The following FHOD1 variants were observed in gnomAD, a reference collection of about 807,000 sequenced individuals.
FHOD1 encodes the protein FH1/FH2 domain-containing protein 1.
A neutral mutation model predicts 111.6 loss-of-function variants in FHOD1; 89 were observed. The observed-to-expected ratio is 0.80, with a 90% CI of 0.67 to 0.95. FHOD1 has a LOEUF of 0.95. Among genes scored for constraint, FHOD1 ranks in the 40% least tolerant of loss-of-function variants. The pLI, the probability that FHOD1 is intolerant of heterozygous loss-of-function variation, is 0.00. For missense variants in FHOD1, 1,446 were observed against 1,554.2 expected (o/e 0.93, Z 1.17); for synonymous variants, 618 against 639.0 (o/e 0.97, Z 0.50).
In FHOD1 at chr16:67,237,242, G is replaced by C. The variant is rs144258782; in HGVS notation, c.990C>G (p.Tyr330Ter). ...DVDLRTQLVL[Y>*]ENALKLEDGD... Reference sequence around the variant, plus strand: ...CAGAGCGTAAGGCCCGGCCCACCTCGTAGAGCACAAGCTGCGTGCGCAGGT... The same window carrying C: ...CAGAGCGTAAGGCCCGGCCCACCTCCTAGAGCACAAGCTGCGTGCGCAGGT... Residue 330 changes from tyrosine to a stop codon, truncating the protein, a stop_gained, in exon 9 of 22, where the codon TAC becomes TAG. Coordinates refer to ENST00000258201, the MANE Select transcript of FHOD1 (RefSeq NM_013241.3). LOFTEE classifies it high-confidence loss of function. The surrounding 1 kb of genome is among the most constrained non-coding windows in gnomAD (Gnocchi z 5.6). The C allele has an allele frequency of 1.2e-6, 2 of 1,613,248 alleles. No homozygotes were observed. The highest frequency in any genetic ancestry group is 1.7e-6 in the Non-Finnish European group (2 of 1,179,554).
chr16:67,238,290 C>T lies in FHOD1; in HGVS notation c.459G>A (p.Val153=), dbSNP rs372284567. 15 of 1,614,036 alleles carry T rather than the reference C, an allele frequency of 9.3e-6. No homozygotes were observed. The highest frequency in any genetic ancestry group is 1.3e-5 in the Non-Finnish European group (15 of 1,180,016). ...GCCCCTCTGAATGCACAAATTCAGGCACCAGGTCTTTGTCCTCCTAGAGGC... is the reference window on the plus strand; with the variant it reads ...GCCCCTCTGAATGCACAAATTCAGGTACCAGGTCTTTGTCCTCCTAGAGGC... The part of the protein sequence containing the change: ...KQIFQEDKDL[V]PEFVHSEGLS... Residue 153 remains valine, a synonymous_variant, in exon 5 of 22, where the codon GTG becomes GTA. Coordinates refer to ENST00000258201, the MANE Select transcript of FHOD1 (RefSeq NM_013241.3). The surrounding 1 kb of genome is among the most constrained non-coding windows in gnomAD (Gnocchi z 4.2).
At position 67,247,127 on chromosome 16, in the gene FHOD1, T is replaced by C. The variant is rs2034885475; in HGVS notation, c.201+83A>G. 5.7e-6 allele frequency: 8 copies of C among 1,394,186 alleles called. No homozygotes were observed. In the South Asian group the frequency reaches 1.0e-4, roughly 17 times the overall value. The allele number at this position is 1,394,186 out of a possible 1,614,324, so 86.4% of individuals were successfully genotyped here. A position where few individuals can be genotyped will look rare whatever the true frequency, so the allele number is the denominator to read the frequency against. On this transcript the variant is annotated intron_variant, in intron 1 of 21. Transcript: ENST00000258201. ...GGAGAAGAACACTCGCTCCAGCCTC[T>C]TCCCGCGGAGCACCTCCCACCAGTT...
At chr16:67,246,114 C>T (rs1336263998) in intron 1 of FHOD1, among the ~76,000 whole-genome samples, 1 of 152,272 alleles carries the variant, frequency 6.6e-6, no homozygotes, top group Non-Finnish European at 1.5e-5. Context: ...AGTCTCACCA[C>T]CCCTCCCGCC....
Position 67,232,118 on chromosome 16 carries a change from G to A in FHOD1, c.2123C>T (p.Thr708Ile). 6.2e-7 allele frequency: 1 copy of A among 1,614,224 alleles called. No homozygotes were observed. The highest frequency in any genetic ancestry group is 1.1e-5 in the South Asian group (1 of 91,090). ...KRSNAINIGL[T>I]TLPPVHVIKA... ...AATGACATGCACAGGTGGCAGTGTG[G>A]TTAGGCCGATGTTGATGGCGTTGCT... Residue 708 changes from threonine (T) to isoleucine (I), a missense_variant, in exon 14 of 22, where the codon ACC becomes ATC. Transcript: ENST00000258201.
chr16:67,232,105 A>T lies in FHOD1; in HGVS notation c.2136T>A (p.Pro712=). 1 of 1,614,220 alleles carries T rather than the reference A, an allele frequency of 6.2e-7. No homozygotes were observed. Among genetic ancestry groups the T allele is most frequent in the East Asian group, 2.2e-5 (1 of 44,888 alleles). The change falls in exon 14 of 22, where the codon CCT becomes CCA. Residue 712 remains proline, a synonymous_variant. Coordinates refer to ENST00000258201, the MANE Select transcript of FHOD1 (RefSeq NM_013241.3). ...AINIGLTTLP[P]VHVIKAALLN... is the part of the protein sequence containing the mutation. The stretch of plus-strand genomic sequence containing the variant: ...GCAGAGCAGCCTTAATGACATGCAC[A>T]GGTGGCAGTGTGGTTAGGCCGATGT...
At position 67,237,012 on chromosome 16, in the gene FHOD1, G is replaced by C; in HGVS notation, c.1096C>G (p.Arg366Gly). 6.2e-7 allele frequency: 1 copy of C among 1,610,764 alleles called. No individual in the cohort carries two copies. The highest frequency in any genetic ancestry group is 1.1e-5 in the South Asian group (1 of 90,802). The change falls in exon 10 of 22, where the codon CGT (arginine) becomes GGT (glycine). Residue 366 changes from arginine (R) to glycine (G), a missense_variant. Arg to Gly is a moderately radical substitution (Grantham distance 125). Transcript: ENST00000258201. This position sits in a 1 kb window ranked among gnomAD's most constrained non-coding sequence, Gnocchi z 5.6. ...GGGCAGCCCCCGCCTTCCAGAGAAC[G>C]GCGGCTCCTCTTGCCCTCCTCAGAA... ...PSSEEGKRSR[R>G]SLEGGGCPAR... is the part of the protein sequence containing the mutation.
intron 1 of FHOD1, among the ~76,000 whole-genome samples, chr16:67,241,705 G>A (rs1431210151): frequency 1.3e-5 from 2 of 152,228 alleles, no homozygotes; most frequent in African/African-American, 4.8e-5. Context: ...AACTTTCACA[G>A]TGCTAAGAAA....
At position 67,245,297 on chromosome 16, in the gene FHOD1, C is replaced by T. The variant is rs1403128330; in HGVS notation, c.201+1913G>A. 2.6e-5 allele frequency among the ~76,000 whole-genome samples: 4 copies of T among 152,302 alleles called. No individual in the cohort carries two copies. In the East Asian group the frequency reaches 7.7e-4, roughly 29 times the overall value. ...GAGGAACTTATATTCTTCACCGGAG[C>T]TCAGTAGTGTCCTCAGCTAAGGAGC... is the stretch of plus-strand genomic sequence containing the variant. On this transcript the variant is annotated intron_variant, in intron 1 of 21. Transcript: ENST00000258201.
chr16:67,240,545 C>T lies in FHOD1; in HGVS notation c.202-1091G>A, dbSNP rs554441761. On this transcript the variant is annotated intron_variant, in intron 1 of 21. Coordinates refer to ENST00000258201, the MANE Select transcript of FHOD1 (RefSeq NM_013241.3). ...CTCTGTCTCAAAAAACAAAACAAAACAAAACACTTAAGAGTCTGACTCAGT... is the reference window on the plus strand; with the variant it reads ...CTCTGTCTCAAAAAACAAAACAAAATAAAACACTTAAGAGTCTGACTCAGT... Among the ~76,000 whole-genome samples the T allele has an allele frequency of 5.3e-5, 8 of 152,220 alleles. No individual in the cohort carries two copies. The East Asian group carries it at 1.5e-3, about 29-fold the overall frequency.
In FHOD1 at chr16:67,237,487, G is replaced by A. The variant is rs780814093; in HGVS notation, c.837C>T (p.Thr279=). The A allele has an allele frequency of 1.9e-6, 3 of 1,614,152 alleles. No homozygotes were observed. The highest frequency in any genetic ancestry group is 1.7e-6 in the Non-Finnish European group (2 of 1,180,026). ...ADPELLVYTV[T]LINKTLAALP... ...TCCTTGGCCACACCTTGTTGATGAGGGTGACCGTGTACACCAACAACTCAG... is the reference window on the plus strand; with the variant it reads ...TCCTTGGCCACACCTTGTTGATGAGAGTGACCGTGTACACCAACAACTCAG... The change falls in exon 8 of 22, where the codon ACC becomes ACT. Residue 279 remains threonine (T), a synonymous_variant. Coordinates refer to ENST00000258201, the MANE Select transcript of FHOD1 (RefSeq NM_013241.3). This position sits in a 1 kb window ranked among gnomAD's most constrained non-coding sequence, Gnocchi z 5.6.
In FHOD1 at chr16:67,236,771, A is replaced by C. The variant is rs1237042883; in HGVS notation, c.1143-38T>G. Reference sequence around the variant, plus strand: ...GCTGTCAGTGGGGCGGGGCCTGAGAAGCTGGAGGCGGGGCCTGTCAGTGGG... The same window carrying C: ...GCTGTCAGTGGGGCGGGGCCTGAGACGCTGGAGGCGGGGCCTGTCAGTGGG... On this transcript the variant is annotated intron_variant, in intron 10 of 21. Transcript: ENST00000258201. The C allele has an allele frequency of 3.5e-6, 3 of 866,082 alleles. No homozygotes were observed. The East Asian group carries it at 3.5e-4, about 102-fold the overall frequency. 53.6% of individuals were successfully genotyped at this position (866,082 alleles called of 1,614,324 possible).
At position 67,233,836 on chromosome 16, in the gene FHOD1, T is replaced by C; in HGVS notation, c.1867A>G (p.Lys623Glu). The change falls in exon 13 of 22, where the codon AAG becomes GAG. Residue 623 changes from lysine to glutamate, a missense_variant. Transcript: ENST00000258201. ...SVPDSSALPT[K>E]RKTVKLFWRE... ...CAGAAAAGTTTTACTGTCTTCCTCTTAGTGGGGAGGGCTGAGCTGTCAGGC... is the reference window on the plus strand; with the variant it reads ...CAGAAAAGTTTTACTGTCTTCCTCTCAGTGGGGAGGGCTGAGCTGTCAGGC... The C allele has an allele frequency of 6.2e-7, 1 of 1,611,668 alleles. No homozygotes were observed. Among genetic ancestry groups the C allele is most frequent in the Non-Finnish European group, 8.5e-7 (1 of 1,179,152 alleles).
At position 67,230,405 on chromosome 16, in the gene FHOD1, T is replaced by C. The variant is rs373944685; in HGVS notation, c.2960A>G (p.Tyr987Cys). The change falls in exon 19 of 22, where the codon TAT becomes TGT. Residue 987 changes from tyrosine to cysteine, a missense_variant. Tyr to Cys is a radical substitution (Grantham distance 194). Transcript: ENST00000258201. ...TAGCACTCGTTCCCGGCAAGTCCGA[T>C]ACTCAAGCGCAAATTCCCGCAGCGT... is the stretch of plus-strand genomic sequence containing the variant. ...CHTLREFALE[Y>C]RTCRERVLQQ... 11 of 1,614,124 alleles carry C rather than the reference T, an allele frequency of 6.8e-6. No individual in the cohort carries two copies. The highest frequency in any genetic ancestry group is 4.0e-5 in the African/African-American group (3 of 74,948).
In FHOD1 at chr16:67,230,786, G is replaced by A; in HGVS notation, c.2673C>T (p.Asp891=). The change falls in exon 18 of 22, where the codon GAC becomes GAT. Residue 891 remains aspartate (D), a synonymous_variant. Coordinates refer to ENST00000258201, the MANE Select transcript of FHOD1 (RefSeq NM_013241.3). ...IPALTRCAKV[D]FEQLTENLGQ... is the part of the protein sequence containing the mutation. The stretch of plus-strand genomic sequence containing the variant: ...CCAGGTTCTCAGTCAGCTGTTCAAA[G>A]TCCACCTGAGAAAGCAAGGGGGTGC... 6.3e-7 allele frequency: 1 copy of A among 1,591,200 alleles called. No individual in the cohort carries two copies. The highest frequency in any genetic ancestry group is 1.7e-5 in the Admixed American group (1 of 58,642).
Position 67,229,725 on chromosome 16 carries a change from G to A in FHOD1, c.3413-7C>T. The A allele has an allele frequency of 1.9e-6, 3 of 1,614,184 alleles. No individual in the cohort carries two copies. Among genetic ancestry groups the A allele is most frequent in the Non-Finnish European group, 2.5e-6 (3 of 1,180,000 alleles). ...CTCTTCAACGTCCTTCTCACTGCAG[G>A]GACAGAGCAGGGTTGGAGGGGGTTG... On this transcript the variant is annotated splice_region_variant and splice_polypyrimidine_tract_variant and intron_variant, in intron 21 of 21. Transcript: ENST00000258201.
chr16:67,234,834 A>C, intron 11 of FHOD1: 1 of 202,522 alleles, frequency 4.9e-6, no homozygotes, highest in African/African-American at 2.3e-5. Context: ...CAGTGGTGTG[A>C]TCATAGCTCA....
At position 67,229,920 on chromosome 16, in the gene FHOD1, T is replaced by G; in HGVS notation, c.3285A>C (p.Pro1095=). The part of the protein sequence containing the change: ...GPSTASPEEP[P]GSSLPSDTSD... ...ATGTATCACTGGGTAAACTGGAGCCTGGGGGTTCTTCTGGGGATGCAGTGG... is the reference window on the plus strand; with the variant it reads ...ATGTATCACTGGGTAAACTGGAGCCGGGGGGTTCTTCTGGGGATGCAGTGG... Residue 1095 remains proline (P), a synonymous_variant, in exon 21 of 22, where the codon CCA becomes CCC. Transcript: ENST00000258201. 1 of 1,614,140 alleles carries G rather than the reference T, an allele frequency of 6.2e-7. No homozygotes were observed. The highest frequency in any genetic ancestry group is 8.5e-7 in the Non-Finnish European group (1 of 1,180,018).
chr16:67,233,995 G>A lies in FHOD1; in HGVS notation c.1708C>T (p.Pro570Ser). ...VESVEAGKDI[P>S]APSPPLPLLS... ...AGGGGCAGTGGGGGTGAGGGAGCTG[G>A]GATGTCTTTCCCAGCCTCCACAGAC... The change falls in exon 13 of 22, where the codon CCA becomes TCA. Residue 570 changes from proline to serine, a missense_variant. Pro to Ser is a moderately conservative substitution (Grantham distance 74). Coordinates refer to ENST00000258201, the MANE Select transcript of FHOD1 (RefSeq NM_013241.3). 1.9e-6 allele frequency: 3 copies of A among 1,612,802 alleles called. No homozygotes were observed. Among genetic ancestry groups the A allele is most frequent in the Non-Finnish European group, 8.5e-7 (1 of 1,179,922 alleles).
At position 67,239,452 on chromosome 16, in the gene FHOD1, C is replaced by T. The variant is rs900246258; in HGVS notation, c.204G>A (p.Leu68=). ...GAGACACTTGCAGAGCACAATCCTC[C>T]AACTGGGGGCAAAGGGAACAGCTGT... ...VHRLLGAPLK[L]EDCALQVSPS... The change falls in exon 2 of 22, where the codon TTG becomes TTA. Residue 68 remains leucine (L), a splice_region_variant and synonymous_variant. Transcript: ENST00000258201. 1.9e-6 allele frequency: 3 copies of T among 1,611,882 alleles called. No individual in the cohort carries two copies. The highest frequency in any genetic ancestry group is 2.5e-6 in the Non-Finnish European group (3 of 1,178,054).
Sources: allele counts gnomAD v4.1 joint callset (sites outside exome capture counted in the v4.1 genomes callset), GRCh38; gene constraint gnomAD v4.1.1; non-coding constraint Gnocchi (gnomAD v3.1); transcripts MANE v1.5; gene names NCBI Gene and HGNC (gene_info 2026-07-23, HGNC 2026-07-21).